Variants in PRMT7 observed in about 807,000 individuals in gnomAD.
PRMT7 encodes the protein protein arginine N-methyltransferase 7.
A neutral mutation model predicts 85.4 loss-of-function variants in PRMT7; 75 were observed. That is an observed-to-expected ratio of 0.88 (90% CI 0.73 to 1.06). The LOEUF (loss-of-function observed/expected upper bound fraction) is 1.06, where lower values mean the gene tolerates loss of function less well. PRMT7 is among the 50% of genes least tolerant of loss of function. The probability of loss-of-function intolerance (pLI) is 0.00; values close to 1 mark genes in which losing one functional copy is unlikely to be tolerated. For missense variants in PRMT7, 868 were observed against 915.2 expected (o/e 0.95, Z 0.67); for synonymous variants, 397 against 359.5 (o/e 1.10, Z -1.18).
intron 6 of PRMT7, among the ~76,000 whole-genome samples, chr16:68,330,541 C>A (rs2083720133): frequency 6.6e-6 from 1 of 151,956 alleles, no homozygotes; most frequent in Non-Finnish European, 1.5e-5. Flanking sequence ...TCCCATTTAA[C>A]AATTTTTTTT....
At chr16:68,314,537 C>G (rs1178394673) in intron 2 of PRMT7, among the ~76,000 whole-genome samples, 1 of 152,172 alleles carries the variant, frequency 6.6e-6, no homozygotes, top group Non-Finnish European at 1.5e-5. Flanking sequence ...CAGCCTGTTT[C>G]TCATCTATTT....
intron 7 of PRMT7, 122 bp from the exon 8 acceptor site, chr16:68,339,200 T>G (rs2085154307): frequency 3.2e-6 from 4 of 1,248,804 alleles, no homozygotes; most frequent in Non-Finnish European, 4.5e-6. Context: ...TCTAATAGTA[T>G]AAGGTGTTGG....
chr16:68,356,230 G>A (rs2088424245), intron 17 of PRMT7, among the ~76,000 whole-genome samples: 1 of 152,240 alleles, frequency 6.6e-6, no homozygotes, highest in African/African-American at 2.4e-5. Context: ...GGGTCAGCAA[G>A]TGCTGCTTGC....
Position 68,339,878 on chromosome 16 carries a change from C to A in PRMT7, c.837C>A (p.Leu279=), listed in dbSNP as rs768788112. Residue 279 remains leucine, a synonymous_variant, in exon 9 of 19, where the codon CTC becomes CTA. Transcript: ENST00000441236. The stretch of plus-strand genomic sequence containing the variant: ...CATCTGGCCGAGCTCAGGTGGTTCT[C>A]TCGTGGTGGGACATTGAAATGGACC... ...PLTSGRAQVV[L]SWWDIEMDPE... 63 of 1,614,064 alleles carry A rather than the reference C, an allele frequency of 3.9e-5. No individual in the cohort carries two copies. Among genetic ancestry groups the A allele is most frequent in the Non-Finnish European group, 5.1e-5 (60 of 1,180,036 alleles).
chr16:68,350,881 G>T (rs148201585), intron 14 of PRMT7, among the ~76,000 whole-genome samples: 249 of 152,330 alleles, frequency 1.6e-3, no homozygotes, highest in African/African-American at 5.7e-3. Flanking sequence ...CATCCATGTC[G>T]TAGCCTGAAT....
At position 68,311,091 on chromosome 16, in the gene PRMT7, C is replaced by A; in HGVS notation, c.-227C>A. The A allele has an allele frequency of 4.1e-6, 3 of 731,736 alleles. No individual in the cohort carries two copies. The highest frequency in any genetic ancestry group is 1.5e-5 in the South Asian group (1 of 66,938). 45.3% of individuals were successfully genotyped at this position (731,736 alleles called of 1,614,324 possible). A position where few individuals can be genotyped will look rare whatever the true frequency, so the allele number is the denominator to read the frequency against. On this transcript the variant is annotated 5_prime_UTR_variant, in exon 1 of 19. Coordinates refer to ENST00000441236, the MANE Select transcript of PRMT7 (RefSeq NM_019023.5). ...GCAGCGGAGGCGAGCGGAGGGTTTC[C>A]CGCGGCGGGTGAGGCGCTGGGTATG...
downstream of PRMT7, chr16:68,360,349 A>T (rs77666316): frequency 7.1e-5 from 2 of 28,218 alleles, no homozygotes; most frequent in Admixed American, 8.7e-4. Flanking sequence ...TTCTTCCTGT[A>T]AAAAAAAAAG....
chr16:68,336,774 AGGCTGGATCACTCTGTCG>A (rs2084756799), intron 6 of PRMT7, among the ~76,000 whole-genome samples: 1 of 152,104 alleles, frequency 6.6e-6, no homozygotes, highest in Non-Finnish European at 1.5e-5. Context: ...TCTGTCGCGC[AGGCTGGATCACTCTGTCG>A]CGCAGGCTGG....
chr16:68,324,746 G>T lies in PRMT7; in HGVS notation c.196G>T (p.Ala66Ser). The change falls in exon 5 of 19, where the codon GCC (alanine) becomes TCC (serine). Residue 66 changes from alanine to serine, a missense_variant. Transcript: ENST00000441236. ...VSRVKDRGQK[A>S]LVLDIGTGTG... is the part of the protein sequence containing the mutation. The stretch of plus-strand genomic sequence containing the variant: ...CAGGGTGAAGGACAGAGGACAGAAG[G>T]CCTTGGTTCTCGACATTGGCACTGG... The T allele has an allele frequency of 1.9e-6, 3 of 1,613,930 alleles. No homozygotes were observed. The highest frequency in any genetic ancestry group is 1.7e-6 in the Non-Finnish European group (2 of 1,179,950).
At chr16:68,353,844 C>G (rs1490789467) in intron 16 of PRMT7, among the ~76,000 whole-genome samples, 1 of 152,212 alleles carries the variant, frequency 6.6e-6, no homozygotes, top group Non-Finnish European at 1.5e-5. Context: ...GGCTGACTTT[C>G]CAGAGGCCAT....
At chr16:68,346,420 G>A (rs1385778603) in intron 11 of PRMT7, 140 bp downstream of exon 11, 1 of 1,190,764 alleles carries the variant, frequency 8.4e-7, no homozygotes, top group African/African-American at 1.5e-5. Context: ...GCGCCTCCTG[G>A]GTGGGCACTG....
intron 14 of PRMT7, among the ~76,000 whole-genome samples, chr16:68,349,269 G>A (rs978228501): frequency 1.3e-5 from 2 of 151,912 alleles, no homozygotes; most frequent in Admixed American, 6.6e-5. Flanking sequence ...CACTCTCCCC[G>A]TGTCCCCCGC....
At chr16:68,350,408 G>A (rs541633296) in intron 14 of PRMT7, among the ~76,000 whole-genome samples, 3 of 152,016 alleles carry the variant, frequency 2.0e-5, no homozygotes, top group East Asian at 1.9e-4. Context: ...CCAGGTTCTC[G>A]GATCCTCACC....
chr16:68,335,784 T>C (rs909791251), intron 6 of PRMT7, among the ~76,000 whole-genome samples: 2 of 151,072 alleles, frequency 1.3e-5, no homozygotes, highest in Non-Finnish European at 3.0e-5. Context: ...CTCTTTCTTT[T>C]TTTTTTTTTT....
chr16:68,347,284 G>C lies in PRMT7; in HGVS notation c.1265G>C (p.Gly422Ala). 6.5e-7 allele frequency: 1 copy of C among 1,546,082 alleles called. No individual in the cohort carries two copies. Among genetic ancestry groups the C allele is most frequent in the East Asian group, 2.4e-5 (1 of 41,134 alleles). Reference protein sequence around the residue: ...SLLSVLAHHLGVEQVFTVESS... With the variant: ...SLLSVLAHHLAVEQVFTVESS... ...CTCTCCGTGCTGGCCCATCACCTGGGGGTGGAGCAGGTACTGACATGCACC... is the reference window on the plus strand; with the variant it reads ...CTCTCCGTGCTGGCCCATCACCTGGCGGTGGAGCAGGTACTGACATGCACC... Residue 422 changes from glycine to alanine, a missense_variant, in exon 12 of 19, where the codon GGG becomes GCG. Coordinates refer to ENST00000441236, the MANE Select transcript of PRMT7 (RefSeq NM_019023.5).
chr16:68,356,382 T>C (rs1239465777), intron 17 of PRMT7, among the ~76,000 whole-genome samples: 2 of 152,184 alleles, frequency 1.3e-5, no homozygotes, highest in African/African-American at 4.8e-5. Flanking sequence ...AGGGTTGCTG[T>C]CTGGGGCATC....
In PRMT7 at chr16:68,339,527, A is replaced by C. The variant is rs771448125; in HGVS notation, c.710A>C (p.Asp237Ala). The change falls in exon 8 of 19, where the codon GAC (aspartate) becomes GCC (alanine). Residue 237 changes from aspartate (D) to alanine (A), a missense_variant. Transcript: ENST00000441236. ...CAGCTGAACCAGGTGTCACCAGCCG[A>C]CTTTACAGTCCTCAGCGATGTGCTG... ...DIQLNQVSPA[D>A]FTVLSDVLPM... 8 of 1,614,110 alleles carry C rather than the reference A, an allele frequency of 5.0e-6. No homozygotes were observed. In the South Asian group the frequency reaches 7.7e-5, roughly 16 times the overall value.
chr16:68,322,146 C>T (rs1041854566), intron 4 of PRMT7, among the ~76,000 whole-genome samples: 6 of 152,104 alleles, frequency 3.9e-5, no homozygotes, highest in Admixed American at 3.9e-4. Context: ...GGGATTATAA[C>T]TTGGGATTAC....
chr16:68,331,719 C>A (rs906242057), intron 6 of PRMT7, among the ~76,000 whole-genome samples: 2 of 152,164 alleles, frequency 1.3e-5, no homozygotes. Context: ...AGCGATTCTC[C>A]CACCTCAGCA....
Sources: gnomAD v4.1 joint callset for allele counts (sites outside exome capture counted in the v4.1 genomes callset) on GRCh38, gnomAD v4.1.1 for gene constraint, MANE v1.5 for transcripts, NCBI Gene and HGNC (gene_info 2026-07-23, HGNC 2026-07-21) for gene names.